The following PRKCA variants were observed in gnomAD, a reference collection of about 807,000 sequenced individuals.
PRKCA encodes protein kinase C alpha.
In PRKCA, 27 loss-of-function variants were observed where a neutral mutation model predicts 87.0. The ratio of observed to expected loss-of-function variants is 0.31; its 90% confidence interval spans 0.23 to 0.43. The LOEUF (loss-of-function observed/expected upper bound fraction) is 0.43. Ranked by LOEUF, PRKCA falls within the 20% of genes least tolerant of loss-of-function variation. The probability of loss-of-function intolerance (pLI) is 1.00; values close to 1 mark genes in which losing one functional copy is unlikely to be tolerated. For missense variants in PRKCA, 518 were observed against 852.3 expected (o/e 0.61, Z 4.88); for synonymous variants, 329 against 311.1 (o/e 1.06, Z -0.61).
intron 5 of PRKCA, among the ~76,000 whole-genome samples, chr17:66,654,169 A>G (rs903668475): frequency 1.1e-4 from 17 of 152,140 alleles, no homozygotes; most frequent in Non-Finnish European, 2.1e-4. Flanking sequence ...TTATTATCCA[A>G]TGATCTCTAT....
chr17:66,520,397 A>T (rs528004759), intron 3 of PRKCA, among the ~76,000 whole-genome samples: 75 of 152,026 alleles, frequency 4.9e-4, no homozygotes, highest in Non-Finnish European at 8.2e-4. Context: ...CTGTGATTAC[A>T]GGTGTGAGCC....
chr17:66,354,408 T>G (rs539169102), intron 2 of PRKCA, among the ~76,000 whole-genome samples: 2 of 152,308 alleles, frequency 1.3e-5, no homozygotes, highest in South Asian at 4.1e-4. Context: ...TCAATACTGT[T>G]GGTGGTGTAA....
chr17:66,728,041 G>A (rs934267822), intron 8 of PRKCA, among the ~76,000 whole-genome samples: 3 of 152,214 alleles, frequency 2.0e-5, no homozygotes, highest in African/African-American at 4.8e-5. Flanking sequence ...TTGCCGTACC[G>A]TGGAGTTTCC....
rs1192095930 is a variant in PRKCA at position 66,807,469 on chromosome 17, G to T, written c.*3432G>T. Reference sequence around the variant, plus strand: ...GGCCGCCCTCCAAGGTTAATGAGAGGCCCACATCCAGGCAAGAACTAATTC... The same window carrying T: ...GGCCGCCCTCCAAGGTTAATGAGAGTCCCACATCCAGGCAAGAACTAATTC... On this transcript the variant is annotated 3_prime_UTR_variant, in exon 17 of 17. Coordinates refer to ENST00000413366, the MANE Select transcript of PRKCA (RefSeq NM_002737.3). This position sits in a 1 kb window ranked among gnomAD's most constrained non-coding sequence, Gnocchi z 4.3. 1 of 152,210 alleles carries T rather than the reference G, an allele frequency of 6.6e-6. No homozygotes were observed. The highest frequency in any genetic ancestry group is 1.9e-4 in the East Asian group (1 of 5,192). 9.4% of individuals were successfully genotyped at this position (152,210 alleles called of 1,614,324 possible).
At chr17:66,608,265 TTGG>T (rs763086868) in intron 3 of PRKCA, among the ~76,000 whole-genome samples, 3 of 152,154 alleles carry the variant, frequency 2.0e-5, no homozygotes, top group Non-Finnish European at 4.4e-5. Flanking sequence ...CATCACTTTG[TTGG>T]TGGTGGAGTG....
At chr17:66,686,313 T>C (rs911511233) in intron 5 of PRKCA, among the ~76,000 whole-genome samples, 13 of 152,164 alleles carry the variant, frequency 8.5e-5, no homozygotes, top group African/African-American at 2.2e-4. Flanking sequence ...TAAGATTGCA[T>C]TGGAAGCACC....
intron 3 of PRKCA, among the ~76,000 whole-genome samples, chr17:66,580,570 A>C (rs1183111401): frequency 1.3e-5 from 2 of 152,226 alleles, no homozygotes; most frequent in African/African-American, 2.4e-5. Flanking sequence ...GGACAAACAC[A>C]TCAGCTTCCC....
chr17:66,351,396 T>C (rs776945549), intron 2 of PRKCA, among the ~76,000 whole-genome samples: 5 of 152,200 alleles, frequency 3.3e-5, no homozygotes, highest in Non-Finnish European at 5.9e-5. Context: ...TCCTATGGTA[T>C]GTGTTTTAGT....
intron 2 of PRKCA, among the ~76,000 whole-genome samples, chr17:66,317,096 C>G (rs971406776): frequency 5.3e-5 from 8 of 150,774 alleles, no homozygotes; most frequent in Non-Finnish European, 1.2e-4. Context: ...GAGCGGAGAT[C>G]ACGCCACTGC....
chr17:66,610,478 T>C (rs949940750), intron 3 of PRKCA, among the ~76,000 whole-genome samples: 2 of 152,122 alleles, frequency 1.3e-5, no homozygotes, highest in Non-Finnish European at 2.9e-5. Context: ...GCTTGGTCTT[T>C]CCAGTGACCA....
intron 2 of PRKCA, among the ~76,000 whole-genome samples, chr17:66,491,768 AT>A (rs35417149): frequency 0.35 from 53,206 of 152,134 alleles, 10,307 homozygotes; most frequent in Middle Eastern, 0.49. Flanking sequence ...AAATGTCTTC[AT>A]TAGATTATCT....
At chr17:66,353,592 T>C (rs760936797) in intron 2 of PRKCA, among the ~76,000 whole-genome samples, 1 of 152,200 alleles carries the variant, frequency 6.6e-6, no homozygotes, top group Non-Finnish European at 1.5e-5. Context: ...GGCCTGCTCC[T>C]GTAATCCCAG....
intron 3 of PRKCA, among the ~76,000 whole-genome samples, chr17:66,501,623 G>T (rs775152814): frequency 2.6e-5 from 4 of 152,186 alleles, no homozygotes; most frequent in Non-Finnish European, 5.9e-5. Context: ...CTTTGAATTG[G>T]TGCAGGATTT....
chr17:66,660,590 G>A (rs1233629429), intron 5 of PRKCA, among the ~76,000 whole-genome samples: 7 of 152,022 alleles, frequency 4.6e-5, no homozygotes, highest in African/African-American at 1.7e-4. Flanking sequence ...GGTCTTTGGG[G>A]TTATAAAGGA....
chr17:66,739,005 C>T, intron 11 of PRKCA, 150 bp downstream of exon 11: 1 of 632,670 alleles, frequency 1.6e-6, no homozygotes, highest in Non-Finnish European at 2.8e-6. Context: ...ACCTCAGCCT[C>T]CTGAGTAGCT....
chr17:66,690,394 G>A (rs560824300), intron 8 of PRKCA, among the ~76,000 whole-genome samples: 9 of 152,242 alleles, frequency 5.9e-5, no homozygotes, highest in East Asian at 3.9e-4. Flanking sequence ...TGGCAGCTAC[G>A]GCTACCCTGC....
chr17:66,607,101 T>A (rs1970231006), intron 3 of PRKCA, among the ~76,000 whole-genome samples: 1 of 152,244 alleles, frequency 6.6e-6, no homozygotes, highest in Non-Finnish European at 1.5e-5. Flanking sequence ...TTCTAAGAGT[T>A]ATGCTTCCTA....
chr17:66,405,922 G>T (rs1002145978), intron 2 of PRKCA, among the ~76,000 whole-genome samples: 2 of 152,016 alleles, frequency 1.3e-5, no homozygotes, highest in Non-Finnish European at 2.9e-5. Context: ...GGCTTCCTGT[G>T]GACAATTATT....
chr17:66,506,644 A>T lies in PRKCA; in HGVS notation c.288+10361A>T, dbSNP rs144270540. 5.9e-3 allele frequency among the ~76,000 whole-genome samples: 902 copies of T among 152,312 alleles called. 37 individuals are homozygous for T. Among genetic ancestry groups the T allele is most frequent in the Admixed American group, 0.055 (834 of 15,298 alleles). On this transcript the variant is annotated intron_variant, in intron 3 of 16. Transcript: ENST00000413366. ...CTTAATACCCAAGAGTAGCCGTCTC[A>T]TCAGCATCATTATTACGGCTGATGC...
Sources: allele counts gnomAD v4.1 joint callset (sites outside exome capture counted in the v4.1 genomes callset), GRCh38; gene constraint gnomAD v4.1.1; non-coding constraint Gnocchi (gnomAD v3.1); transcripts MANE v1.5; gene names NCBI Gene and HGNC (gene_info 2026-07-23, HGNC 2026-07-21).